The following DCLK3 variants were observed in gnomAD, a reference collection of about 807,000 sequenced individuals.
DCLK3 encodes the protein doublecortin like kinase 3, also known as serine/threonine-protein kinase DCLK3.
In DCLK3, 30 loss-of-function variants were observed where a neutral mutation model predicts 46.4. That is an observed-to-expected ratio of 0.65 (90% CI 0.48 to 0.88). The LOEUF is 0.88. Ranked by LOEUF, DCLK3 falls within the 40% of genes least tolerant of loss-of-function variation. The pLI is 0.00. For synonymous variants in DCLK3, 401 were observed against 339.2 expected, an observed-to-expected ratio of 1.18 and a Z score of -2.00; for missense variants, 846 against 907.1, an observed-to-expected ratio of 0.93 and a Z score of 0.87.
chr3:36,738,640 G>A lies in DCLK3; in HGVS notation c.527C>T (p.Thr176Ile). Residue 176 changes from threonine (T) to isoleucine (I), a missense_variant, in exon 2 of 5, where the codon ACA becomes ATA. This residue lies in a region of DCLK3 where 553 missense variants were observed against 543.0 expected (regional missense o/e 1.02). Transcript: ENST00000636136. ...TACAGCCACCTGAATGCTCTTCAGT[G>A]TCAGTGGTTCTTTGCCCATAGCTAT... Reference protein sequence around the residue: ...AFIAMGKEPLTLKSIQVAVEE... With the variant: ...AFIAMGKEPLILKSIQVAVEE... 2 of 1,340,394 alleles carry A rather than the reference G, an allele frequency of 1.5e-6. No homozygotes were observed. Among genetic ancestry groups the A allele is most frequent in the East Asian group, 2.8e-5 (1 of 35,944 alleles). The allele number at this position is 1,340,394 out of a possible 1,614,324, so 83.0% of individuals were successfully genotyped here.
chr3:36,723,490 AC>A (rs1213082139), intron 2 of DCLK3, among the ~76,000 whole-genome samples: 5 of 152,120 alleles, frequency 3.3e-5, no homozygotes, highest in African/African-American at 9.7e-5. Context: ...TCTTCATGGC[AC>A]CCCATCCTAT....
intron 1 of DCLK3, among the ~76,000 whole-genome samples, chr3:36,742,417 T>A (rs1171589346): frequency 6.6e-6 from 1 of 152,124 alleles, no homozygotes; most frequent in Non-Finnish European, 1.5e-5. Flanking sequence ...ATAAGCTCCA[T>A]AAGAACAGCC....
intron 2 of DCLK3, among the ~76,000 whole-genome samples, chr3:36,732,032 T>A (rs1222389305): frequency 2.0e-5 from 3 of 152,192 alleles, no homozygotes; most frequent in Non-Finnish European, 4.4e-5. Context: ...TTTAGACAGG[T>A]GATAACATAC....
At chr3:36,750,335 G>C (rs572601497) in intron 1 of DCLK3, among the ~76,000 whole-genome samples, 3 of 152,242 alleles carry the variant, frequency 2.0e-5, no homozygotes, top group African/African-American at 7.2e-5. Context: ...ACCCACCTGG[G>C]CCTCCCAAAG....
At chr3:36,725,266 C>T (rs1262234057) in intron 2 of DCLK3, among the ~76,000 whole-genome samples, 1 of 149,108 alleles carries the variant, frequency 6.7e-6, no homozygotes, top group Non-Finnish European at 1.5e-5. Flanking sequence ...GAGCTGAGCT[C>T]GCGCCACTGC....
At chr3:36,742,875 G>T (rs992086793) in intron 1 of DCLK3, among the ~76,000 whole-genome samples, 1 of 152,102 alleles carries the variant, frequency 6.6e-6, no homozygotes, top group Non-Finnish European at 1.5e-5. Flanking sequence ...ACGTGCTCAT[G>T]CCCCAGGACA....
chr3:36,727,215 G>A (rs6787554), intron 2 of DCLK3, among the ~76,000 whole-genome samples: 19,545 of 152,176 alleles, frequency 0.13, 1,651 homozygotes, highest in Non-Finnish European at 0.19. Context: ...CTTGAACCCC[G>A]GAGATGGAGG....
At chr3:36,755,449 G>C (rs998089076) in intron 1 of DCLK3, among the ~76,000 whole-genome samples, 10 of 152,048 alleles carry the variant, frequency 6.6e-5, no homozygotes, top group Non-Finnish European at 1.5e-4. Flanking sequence ...TAGCCAGGAA[G>C]GTTAGAATGA....
Position 36,738,246 on chromosome 3 carries a change from T to A in DCLK3, c.921A>T (p.Arg307Ser). The change falls in exon 2 of 5, where the codon AGA becomes AGT. Residue 307 changes from arginine (R) to serine (S), a missense_variant. Coordinates refer to ENST00000636136, the MANE Select transcript of DCLK3 (RefSeq NM_001394672.2). ...EIEKTSGEIIRCEKCKREREL... is the reference protein window; with the variant it reads ...EIEKTSGEIISCEKCKREREL... ...CCCTCTCTCTCTTGCACTTCTCGCATCTGATAATTTCACCCGAGGTCTTTT... is the reference window on the plus strand; with the variant it reads ...CCCTCTCTCTCTTGCACTTCTCGCAACTGATAATTTCACCCGAGGTCTTTT... 6.4e-7 allele frequency: 1 copy of A among 1,572,094 alleles called. No homozygotes were observed. Among genetic ancestry groups the A allele is most frequent in the Non-Finnish European group, 8.6e-7 (1 of 1,163,472 alleles).
intron 1 of DCLK3, among the ~76,000 whole-genome samples, 172 bp from the exon 2 acceptor site, chr3:36,739,256 C>T (rs1293799691): frequency 6.6e-6 from 1 of 152,072 alleles, no homozygotes; most frequent in East Asian, 1.9e-4. Context: ...AATTCCCAGT[C>T]TCCTCTACAC....
At chr3:36,749,614 G>T (rs1381458082) in intron 1 of DCLK3, among the ~76,000 whole-genome samples, 3 of 152,198 alleles carry the variant, frequency 2.0e-5, no homozygotes, top group African/African-American at 7.2e-5. Flanking sequence ...TCAGTGCCTG[G>T]ATCTGAAGAC....
At chr3:36,758,002 G>T (rs886539436) in intron 1 of DCLK3, among the ~76,000 whole-genome samples, 1 of 152,056 alleles carries the variant, frequency 6.6e-6, no homozygotes, top group Non-Finnish European at 1.5e-5. Flanking sequence ...AGCCTCCCCA[G>T]ATTCTGCTGT....
At chr3:36,719,830 A>G (rs1701033838) in intron 3 of DCLK3, among the ~76,000 whole-genome samples, 1 of 151,928 alleles carries the variant, frequency 6.6e-6, no homozygotes, top group South Asian at 2.1e-4. Flanking sequence ...CCTTTCCAAC[A>G]CCCTGTTTTA....
At position 36,718,084 on chromosome 3, in the gene DCLK3, T is replaced by A; in HGVS notation, c.2186A>T (p.Gln729Leu). 6.2e-7 allele frequency: 1 copy of A among 1,614,170 alleles called. No individual in the cohort carries two copies. The highest frequency in any genetic ancestry group is 2.2e-5 in the East Asian group (1 of 44,894). ...FPPFRSPERD[Q>L]DELFNIIQLG... Reference sequence around the variant, plus strand: ...CTGGATGATGTTAAAGAGCTCGTCCTGGTCCCTCTCAGGGCTGCGGAATGG... The same window carrying A: ...CTGGATGATGTTAAAGAGCTCGTCCAGGTCCCTCTCAGGGCTGCGGAATGG... Residue 729 changes from glutamine to leucine, a missense_variant, in exon 4 of 5, where the codon CAG becomes CTG. By Grantham distance (113) the Gln-to-Leu change is moderately radical. Coordinates refer to ENST00000636136, the MANE Select transcript of DCLK3 (RefSeq NM_001394672.2).
At chr3:36,733,719 T>G (rs899524951) in intron 2 of DCLK3, among the ~76,000 whole-genome samples, 1 of 152,176 alleles carries the variant, frequency 6.6e-6, no homozygotes, top group Non-Finnish European at 1.5e-5. Context: ...CTCAGGAGTC[T>G]AAATAACCCT....
At chr3:36,719,238 C>T (rs1701026784) in intron 3 of DCLK3, among the ~76,000 whole-genome samples, 1 of 152,128 alleles carries the variant, frequency 6.6e-6, no homozygotes, top group African/African-American at 2.4e-5. Flanking sequence ...ACATTGTCCT[C>T]CCAAAACTTA....
intron 2 of DCLK3, among the ~76,000 whole-genome samples, chr3:36,733,434 A>G (rs1310446904): frequency 6.6e-6 from 1 of 152,078 alleles, no homozygotes; most frequent in South Asian, 2.1e-4. Context: ...CCCTTCCCCC[A>G]TCCTGCTCAC....
intron 2 of DCLK3, among the ~76,000 whole-genome samples, chr3:36,729,250 G>GC (rs1214437979): frequency 3.1e-5 from 3 of 95,256 alleles, no homozygotes; most frequent in Admixed American, 9.1e-5. Flanking sequence ...TGTGTGTGTG[G>GC]GGGGGGGGGG....
intron 1 of DCLK3, among the ~76,000 whole-genome samples, chr3:36,747,324 T>A (rs998465506): frequency 5.9e-5 from 9 of 151,438 alleles, no homozygotes; most frequent in African/African-American, 2.2e-4. Flanking sequence ...GAAGTGAAAA[T>A]CCCAAAAAGG....
Sources: allele counts gnomAD v4.1 joint callset (sites outside exome capture counted in the v4.1 genomes callset), GRCh38; gene constraint gnomAD v4.1.1; regional missense constraint gnomAD v4.1.1; transcripts MANE v1.5; gene names NCBI Gene and HGNC (gene_info 2026-07-23, HGNC 2026-07-21).